The following SLC25A23 variants were observed in gnomAD, a reference collection of about 807,000 sequenced individuals.
The protein encoded by SLC25A23 is mitochondrial adenyl nucleotide antiporter SLC25A23.
A neutral mutation model predicts 53.9 loss-of-function variants in SLC25A23; 32 were observed. That is an observed-to-expected ratio of 0.59 (90% CI 0.45 to 0.80). SLC25A23 has a LOEUF of 0.80. Ranked by LOEUF, SLC25A23 falls within the 30% of genes least tolerant of loss-of-function variation. The pLI, the probability that SLC25A23 is intolerant of heterozygous loss-of-function variation, is 0.00. For synonymous variants in SLC25A23, 275 were observed against 264.5 expected, an observed-to-expected ratio of 1.04 and a Z score of -0.38; for missense variants, 575 against 651.4, an observed-to-expected ratio of 0.88 and a Z score of 1.28.
At chr19:6,450,030 G>A (rs1362071291) in intron 8 of SLC25A23, among the ~76,000 whole-genome samples, 2 of 151,534 alleles carry the variant, frequency 1.3e-5, no homozygotes, top group South Asian at 2.1e-4. Flanking sequence ...GCTAATTTTT[G>A]TATTTTTAGC....
Position 6,458,276 on chromosome 19 carries a change from C to A in SLC25A23, c.205G>T (p.Glu69Ter). Residue 69 changes from glutamate to a stop codon, truncating the protein, a stop_gained, in exon 2 of 10, where the codon GAG becomes TAG. Transcript: ENST00000301454. LOFTEE classifies it high-confidence loss of function. The stretch of plus-strand genomic sequence containing the variant: ...TCCTGCAGATAGCGGGAAAATTCCT[C>A]CAGGTCGAGCCCGCCATCTGGGTCA... ...DADPDGGLDL[E>*]EFSRYLQERE... 1 of 1,613,502 alleles carries A rather than the reference C, an allele frequency of 6.2e-7. No homozygotes were observed. Among genetic ancestry groups the A allele is most frequent in the Non-Finnish European group, 8.5e-7 (1 of 1,179,978 alleles).
At chr19:6,455,945 G>C in intron 4 of SLC25A23, 1 of 1,096,154 alleles carries the variant, frequency 9.1e-7, no homozygotes, top group Non-Finnish European at 1.2e-6. Flanking sequence ...GGTCGCGATC[G>C]CCTGACCTCG....
intron 1 of SLC25A23, 61 bp from the exon 2 acceptor site, chr19:6,458,385 G>C (rs1049920210): frequency 7.0e-6 from 11 of 1,564,182 alleles, no homozygotes; most frequent in Non-Finnish European, 9.5e-6. Flanking sequence ...TGGAGGGGAC[G>C]CATGTCACCT....
intron 8 of SLC25A23, among the ~76,000 whole-genome samples, chr19:6,446,093 C>T (rs1164473041): frequency 1.5e-5 from 2 of 137,918 alleles, no homozygotes; most frequent in Admixed American, 6.8e-5. Context: ...TCGGGCCTGG[C>T]GTCCTCACAC....
In SLC25A23 at chr19:6,456,310, C is replaced by T. The variant is rs1025789605; in HGVS notation, c.483+110G>A. 12 of 1,136,410 alleles carry T rather than the reference C, an allele frequency of 1.1e-5. No homozygotes were observed. The African/African-American group carries it at 1.1e-4, about 10-fold the overall frequency. The allele number at this position is 1,136,410 out of a possible 1,614,324, so 70.4% of individuals were successfully genotyped here. ...CCGTCAGCTGCTGCCAGTGCCTTCT[C>T]CTTCTGGAAAGTCCTGGTCCAGCCC... On this transcript the variant is annotated intron_variant, in intron 4 of 9. Transcript: ENST00000301454.
intron 9 of SLC25A23, among the ~76,000 whole-genome samples, chr19:6,443,901 A>G (rs768100912): frequency 7.9e-5 from 12 of 152,162 alleles, no homozygotes; most frequent in Non-Finnish European, 1.6e-4. Context: ...AATGCTAGAC[A>G]TTTGCCAGCA....
chr19:6,453,528 T>A (rs2092625181), intron 7 of SLC25A23, among the ~76,000 whole-genome samples: 1 of 152,140 alleles, frequency 6.6e-6, no homozygotes, highest in Non-Finnish European at 1.5e-5. Context: ...GCGCTAGACA[T>A]CGCACCCAGC....
intron 8 of SLC25A23, 96 bp from the exon 9 acceptor site, chr19:6,444,397 G>A: frequency 3.7e-6 from 5 of 1,336,668 alleles, no homozygotes; most frequent in Non-Finnish European, 5.0e-6. Flanking sequence ...CATGACAGGT[G>A]CTACTAGCTG....
At chr19:6,457,663 G>T in intron 2 of SLC25A23, 73 bp from the exon 3 acceptor site, 1 of 1,317,808 alleles carries the variant, frequency 7.6e-7, no homozygotes. Context: ...CCAAGGATCA[G>T]AACAGCTTGG....
At chr19:6,449,702 C>T (rs2092559341) in intron 8 of SLC25A23, among the ~76,000 whole-genome samples, 1 of 151,764 alleles carries the variant, frequency 6.6e-6, no homozygotes, top group Non-Finnish European at 1.5e-5. Context: ...GCGTGAGCCA[C>T]CGTGCCTGGC....
At chr19:6,455,728 TTTTTTTTGA>T (rs1167724739) in intron 4 of SLC25A23, among the ~76,000 whole-genome samples, 2 of 93,408 alleles carry the variant, frequency 2.1e-5, no homozygotes, top group Non-Finnish European at 4.7e-5. Context: ...TTTTTTTTTT[TTTTTTTTGA>T]GACGGAGTGT....
rs1317785151 is a variant in SLC25A23 at position 6,440,449 on chromosome 19, A to T, written c.*1526T>A. 6.6e-6 allele frequency: 1 copy of T among 151,038 alleles called. No individual in the cohort carries two copies. Among genetic ancestry groups the T allele is most frequent in the Non-Finnish European group, 1.5e-5 (1 of 67,698 alleles). 9.4% of individuals were successfully genotyped at this position (151,038 alleles called of 1,614,324 possible). A position where few individuals can be genotyped will look rare whatever the true frequency, so the allele number is the denominator to read the frequency against. On this transcript the variant is annotated 3_prime_UTR_variant, in exon 10 of 10. Coordinates refer to ENST00000301454, the MANE Select transcript of SLC25A23 (RefSeq NM_024103.3). ...GGCTTTCAACTCTGGAAGCCTGGGG[A>T]GGCCCTGATAGTGCTGGGGTGGGGA...
Position 6,451,160 on chromosome 19 carries a change from G to A in SLC25A23, c.1071+1152C>T, listed in dbSNP as rs375314578. 9.2e-5 allele frequency among the ~76,000 whole-genome samples: 14 copies of A among 151,648 alleles called. No individual in the cohort carries two copies. In the East Asian group the frequency reaches 1.7e-3, roughly 19 times the overall value. ...ATCCAGCACTTTGGGAGGCCAAGGCGGGTGGATCACTTAAGGTCAGGAGTT... is the reference window on the plus strand; with the variant it reads ...ATCCAGCACTTTGGGAGGCCAAGGCAGGTGGATCACTTAAGGTCAGGAGTT... On this transcript the variant is annotated intron_variant, in intron 8 of 9. Transcript: ENST00000301454.
At chr19:6,457,666 C>A in intron 2 of SLC25A23, 76 bp from the exon 3 acceptor site, 1 of 1,320,882 alleles carries the variant, frequency 7.6e-7, no homozygotes, top group Non-Finnish European at 1.1e-6. Flanking sequence ...AGGATCAGAA[C>A]AGCTTGGAAT....
At chr19:6,443,643 G>A (rs1461766642) in intron 9 of SLC25A23, 1 of 700,096 alleles carries the variant, frequency 1.4e-6, no homozygotes, top group East Asian at 2.7e-5. Flanking sequence ...TGTCCGTCTT[G>A]TACACTGACA....
At chr19:6,447,823 A>T (rs2092528459) in intron 8 of SLC25A23, among the ~76,000 whole-genome samples, 2 of 152,134 alleles carry the variant, frequency 1.3e-5, no homozygotes, top group Admixed American at 1.3e-4. Context: ...GGCACACACA[A>T]TCACACCCGG....
downstream of SLC25A23, among the ~76,000 whole-genome samples, chr19:6,439,117 G>A (rs2092375738): frequency 6.6e-6 from 1 of 152,102 alleles, no homozygotes. Flanking sequence ...CTACTTGGGA[G>A]GCTGAGGTGG....
intron 1 of SLC25A23, among the ~76,000 whole-genome samples, chr19:6,458,587 G>A (rs973129679): frequency 2.6e-5 from 4 of 152,198 alleles, no homozygotes; most frequent in African/African-American, 9.7e-5. Flanking sequence ...CCAGTTCAAG[G>A]TCACAGAACC....
intron 8 of SLC25A23, among the ~76,000 whole-genome samples, chr19:6,446,220 C>T (rs1029324573): frequency 2.6e-5 from 4 of 151,948 alleles, no homozygotes; most frequent in East Asian, 1.9e-4. Context: ...CAAAATTAGC[C>T]GGTGTGGTGG....
Sources: gnomAD v4.1 joint callset for allele counts (sites outside exome capture counted in the v4.1 genomes callset) on GRCh38, gnomAD v4.1.1 for gene constraint, MANE v1.5 for transcripts, NCBI Gene and HGNC (gene_info 2026-07-23, HGNC 2026-07-21) for gene names.